DNAH11: variants seen among roughly 807,000 people sequenced by gnomAD.
The protein encoded by DNAH11 is dynein axonemal heavy chain 11.
Under a neutral mutation model 526.0 loss-of-function variants are expected in DNAH11, and 442 were observed. The ratio of observed to expected loss-of-function variants is 0.84; its 90% confidence interval spans 0.78 to 0.91. The LOEUF (loss-of-function observed/expected upper bound fraction) is 0.91, where lower values mean the gene tolerates loss of function less well. Ranked by LOEUF, DNAH11 falls within the 40% of genes least tolerant of loss-of-function variation. The pLI is 0.00. For synonymous variants in DNAH11, 2,461 were observed against 1,935.9 expected (o/e 1.27, Z -7.12); for missense variants, 6,989 against 5,448.7 (o/e 1.28, Z -8.90).
Position 21,901,245 on chromosome 7 carries a change from A to G in DNAH11, c.13542A>G (p.Leu4514=), listed in dbSNP as rs1278794334. 3 of 1,604,822 alleles carry G rather than the reference A, an allele frequency of 1.9e-6. No individual in the cohort carries two copies. Among genetic ancestry groups the G allele is most frequent in the Non-Finnish European group, 1.7e-6 (2 of 1,175,638 alleles). Residue 4514 remains leucine (L), a synonymous_variant, in exon 82 of 82, where the codon CTA becomes CTG. Coordinates refer to ENST00000409508, the MANE Select transcript of DNAH11 (RefSeq NM_001277115.2). ...TTCTGGCTGGAGTGGCTCTGCTTCT[A>G]GAAGCGTAAGGTAACACTGGCATTC... ...KWVLAGVALL[L]EA
intron 61 of DNAH11, among the ~76,000 whole-genome samples, chr7:21,791,983 G>T (rs1788498036): frequency 6.6e-6 from 1 of 152,084 alleles, no homozygotes; most frequent in South Asian, 2.1e-4. Flanking sequence ...CTTTGGGCGG[G>T]GCCTCAGGAA....
chr7:21,712,390 G>C (rs1784495922), intron 42 of DNAH11, among the ~76,000 whole-genome samples: 1 of 152,174 alleles, frequency 6.6e-6, no homozygotes, highest in African/African-American at 2.4e-5. Flanking sequence ...CTTTCGGGTA[G>C]AACTCAGAAG....
chr7:21,600,977 G>T, intron 16 of DNAH11, 33 bp from the exon 17 acceptor site: 1 of 1,610,616 alleles, frequency 6.2e-7, no homozygotes, highest in Non-Finnish European at 8.5e-7. Context: ...GCTTTTCACT[G>T]AGTTGTTCTA....
chr7:21,586,134 T>C (rs903327219), intron 9 of DNAH11, among the ~76,000 whole-genome samples: 4 of 152,218 alleles, frequency 2.6e-5, no homozygotes, highest in African/African-American at 9.7e-5. Context: ...GAGTATTTTC[T>C]CTATGTATTT....
chr7:21,781,602 C>T (rs564767168), intron 57 of DNAH11, among the ~76,000 whole-genome samples: 1 of 152,286 alleles, frequency 6.6e-6, no homozygotes, highest in East Asian at 1.9e-4. Context: ...AAAAGTTGAG[C>T]ATCAATCTTG....
chr7:21,727,385 CTTCTT>C (rs1785171865), intron 45 of DNAH11, among the ~76,000 whole-genome samples: 1 of 152,158 alleles, frequency 6.6e-6, no homozygotes, highest in Admixed American at 6.5e-5. Context: ...TTACTGTAAA[CTTCTT>C]AGTTAGTACT....
intron 43 of DNAH11, among the ~76,000 whole-genome samples, chr7:21,718,917 G>C (rs1289584768): frequency 1.3e-5 from 2 of 152,110 alleles, no homozygotes; most frequent in African/African-American, 4.8e-5. Context: ...AATTATCTGA[G>C]GTATAATTTA....
At chr7:21,782,223 C>G (rs532988250) in intron 57 of DNAH11, among the ~76,000 whole-genome samples, 81 of 152,334 alleles carry the variant, frequency 5.3e-4, no homozygotes, top group African/African-American at 1.9e-3. Flanking sequence ...AATTTCTGGT[C>G]TACCCAAGGG....
chr7:21,762,016 C>T (rs545586746), intron 54 of DNAH11, among the ~76,000 whole-genome samples: 68 of 152,078 alleles, frequency 4.5e-4, no homozygotes, highest in Non-Finnish European at 8.1e-4. Flanking sequence ...TTCAGATGGC[C>T]GCATCTGAAG....
In DNAH11 at chr7:21,868,881, A is replaced by G; in HGVS notation, c.11857A>G (p.Thr3953Ala). ...TCCCACAGGCAAAAGACTTGGCTTT[A>G]CAATTGACTCTGGAAAATTCCACAA... is the stretch of plus-strand genomic sequence containing the variant. The part of the protein sequence containing the change: ...LEILGKRLGF[T>A]IDSGKFHNVS... Residue 3953 changes from threonine (T) to alanine (A), a missense_variant, in exon 73 of 82, where the codon ACA becomes GCA. Thr to Ala is a moderately conservative substitution (Grantham distance 58). Transcript: ENST00000409508. 1 of 1,614,028 alleles carries G rather than the reference A, an allele frequency of 6.2e-7. No homozygotes were observed. Among genetic ancestry groups the G allele is most frequent in the Non-Finnish European group, 8.5e-7 (1 of 1,179,880 alleles).
In DNAH11 at chr7:21,735,755, T is replaced by C. The variant is rs748007354; in HGVS notation, c.7556T>C (p.Phe2519Ser). 6.2e-7 allele frequency: 1 copy of C among 1,613,994 alleles called. No homozygotes were observed. Among genetic ancestry groups the C allele is most frequent in the South Asian group, 1.1e-5 (1 of 91,078 alleles). Residue 2519 changes from phenylalanine to serine, a missense_variant, in exon 46 of 82, where the codon TTT (phenylalanine) becomes TCT (serine). Physicochemically the swap from Phe to Ser is radical, Grantham distance 155. Coordinates refer to ENST00000409508, the MANE Select transcript of DNAH11 (RefSeq NM_001277115.2). ...VGNAGVGKTV[F>S]VGDTLASLSE... ...AATGCAGGAGTGGGAAAAACAGTCTTTGTAGGTGACACATTGGCAAGTCTC... is the reference window on the plus strand; with the variant it reads ...AATGCAGGAGTGGGAAAAACAGTCTCTGTAGGTGACACATTGGCAAGTCTC...
Position 21,735,803 on chromosome 7 carries a change from G to A in DNAH11, c.7604G>A (p.Arg2535His), listed in dbSNP as rs115598432. The change falls in exon 46 of 82, where the codon CGT (arginine) becomes CAT (histidine). Residue 2535 changes from arginine (R) to histidine (H), a missense_variant. Transcript: ENST00000409508. ...ASLSEDYIVS[R>H]VPFNYYTTST... ...CTCTCTGAGGATTACATAGTATCCCGTGTGCCTTTCAACTACTACACGACA... is the reference window on the plus strand; with the variant it reads ...CTCTCTGAGGATTACATAGTATCCCATGTGCCTTTCAACTACTACACGACA... 3.7e-5 allele frequency: 60 copies of A among 1,613,726 alleles called. No homozygotes were observed. The highest frequency in any genetic ancestry group is 3.2e-4 in the African/African-American group (24 of 75,046).
intron 65 of DNAH11, among the ~76,000 whole-genome samples, chr7:21,826,995 T>A (rs1425836187): frequency 1.3e-5 from 2 of 152,248 alleles, no homozygotes; most frequent in African/African-American, 2.4e-5. Context: ...TGGAATGTTG[T>A]GGAGTGTGAA....
chr7:21,804,092 GTT>G (rs869289306), intron 62 of DNAH11, among the ~76,000 whole-genome samples: 9 of 53,824 alleles, frequency 1.7e-4, no homozygotes, highest in Non-Finnish European at 2.7e-4. Context: ...TTTTTGTTTT[GTT>G]TTGTTTTGTT....
chr7:21,621,558 A>T (rs1241342992), intron 25 of DNAH11, among the ~76,000 whole-genome samples: 2 of 152,198 alleles, frequency 1.3e-5, no homozygotes, highest in African/African-American at 4.8e-5. Flanking sequence ...ATGAACATTG[A>T]TGCAAAAATC....
At chr7:21,817,881 TAAA>T (rs1356461131) in intron 64 of DNAH11, among the ~76,000 whole-genome samples, 3 of 152,134 alleles carry the variant, frequency 2.0e-5, no homozygotes, top group Non-Finnish European at 4.4e-5. Context: ...AAACTTTACT[TAAA>T]AAAGAGCCAT....
chr7:21,892,814 A>C, intron 77 of DNAH11, 147 bp downstream of exon 77: 1 of 946,872 alleles, frequency 1.1e-6, no homozygotes, highest in Non-Finnish European at 1.5e-6. Flanking sequence ...CATTTCCAAC[A>C]CTCCAGAAGG....
At chr7:21,697,079 G>A (rs1387630252) in intron 35 of DNAH11, among the ~76,000 whole-genome samples, 1 of 152,134 alleles carries the variant, frequency 6.6e-6, no homozygotes, top group Non-Finnish European at 1.5e-5. Context: ...AGATGTTTAG[G>A]ATGAAAATCA....
At chr7:21,576,379 A>G (rs540496798) in intron 8 of DNAH11, among the ~76,000 whole-genome samples, 2 of 152,304 alleles carry the variant, frequency 1.3e-5, no homozygotes, top group East Asian at 3.9e-4. Flanking sequence ...GGTTTAAGGG[A>G]CTGTTCTTGG....
Sources: gnomAD v4.1 joint callset for allele counts (sites outside exome capture counted in the v4.1 genomes callset) on GRCh38, gnomAD v4.1.1 for gene constraint, MANE v1.5 for transcripts, NCBI Gene and HGNC (gene_info 2026-07-23, HGNC 2026-07-21) for gene names.